SLC28A3: variants seen among roughly 807,000 people sequenced by gnomAD.
SLC28A3 encodes solute carrier family 28 member 3.
SLC28A3 carries 68 observed loss-of-function variants against 84.2 expected under a neutral mutation model. The observed-to-expected ratio is 0.81, with a 90% CI of 0.66 to 0.99. SLC28A3 has a LOEUF of 0.99. Ranked by LOEUF, SLC28A3 falls within the 50% of genes least tolerant of loss-of-function variation. SLC28A3 has a pLI of 0.00. For missense variants in SLC28A3, 712 were observed against 841.5 expected (o/e 0.85, Z 1.90); for synonymous variants, 267 against 303.6 (o/e 0.88, Z 1.25).
chr9:84,305,203 A>G (rs1825748472), intron 4 of SLC28A3, 51 bp downstream of exon 4: 1 of 93,562 alleles, frequency 1.1e-5, no homozygotes, highest in Non-Finnish European at 1.6e-5. Flanking sequence ...GGAATCCCTG[A>G]AAAAAAAAAA....
intron 1 of SLC28A3, among the ~76,000 whole-genome samples, chr9:84,335,276 AG>A (rs939869742): frequency 6.6e-6 from 1 of 152,164 alleles, no homozygotes; most frequent in African/African-American, 2.4e-5. Flanking sequence ...AGGCTGGGTG[AG>A]GTGGCTCACA....
At chr9:84,348,528 G>T in the SLC28A3 span, among the ~76,000 whole-genome samples, 5 of 152,262 alleles carry the variant, frequency 3.3e-5, no homozygotes, top group African/African-American at 1.2e-4. Flanking sequence ...TCTGTCATGA[G>T]GATAAACTGA....
At chr9:84,312,651 G>A (rs1826030243) in intron 2 of SLC28A3, among the ~76,000 whole-genome samples, 1 of 150,082 alleles carries the variant, frequency 6.7e-6, no homozygotes, top group African/African-American at 2.5e-5. Context: ...TGATTCTCCT[G>A]CCTCAGCCTC....
In SLC28A3 at chr9:84,313,503, C is replaced by T. The variant is rs575883898; in HGVS notation, c.61-49G>A. ...AAAATAAAAAGTTACAGCCAAAAGA[C>T]AGATGTTCTTTCATGAAAAATACCT... is the stretch of plus-strand genomic sequence containing the variant. On this transcript the variant is annotated intron_variant, in intron 1 of 17. Coordinates refer to ENST00000376238, the MANE Select transcript of SLC28A3 (RefSeq NM_001199633.2). 1.7e-5 allele frequency: 25 copies of T among 1,489,634 alleles called. No homozygotes were observed. In the African/African-American group the frequency reaches 3.0e-4, roughly 18 times the overall value. The allele number at this position is 1,489,634 out of a possible 1,614,324, so 92.3% of individuals were successfully genotyped here.
intron 1 of SLC28A3, among the ~76,000 whole-genome samples, chr9:84,313,970 G>A (rs1826081516): frequency 6.6e-6 from 1 of 152,052 alleles, no homozygotes; most frequent in South Asian, 2.1e-4. Context: ...AGAGAGGAAT[G>A]AGGACAATTG....
intron 14 of SLC28A3, among the ~76,000 whole-genome samples, chr9:84,281,895 G>A (rs189420956): frequency 2.0e-5 from 3 of 152,334 alleles, no homozygotes; most frequent in Admixed American, 1.3e-4. Flanking sequence ...GGAGGCCGAG[G>A]CGGGTAGATC....
rs1237472184 is a variant in SLC28A3, at chr9:84,276,297, A to G, written c.*1921T>C. 1 of 151,200 alleles carries G rather than the reference A, an allele frequency of 6.6e-6. No individual in the cohort carries two copies. Among genetic ancestry groups the G allele is most frequent in the Admixed American group, 6.6e-5 (1 of 15,114 alleles). 9.4% of individuals were successfully genotyped at this position (151,200 alleles called of 1,614,324 possible). A position where few individuals can be genotyped will look rare whatever the true frequency, so the allele number is the denominator to read the frequency against. ...AATATCTTACTGAAATAATATCTCC[A>G]ATGTATTGAGTTAAATATATTAAAA... On this transcript the variant is annotated 3_prime_UTR_variant, in exon 18 of 18. Transcript: ENST00000376238.
At chr9:84,332,126 T>C (rs1826813152) in intron 1 of SLC28A3, among the ~76,000 whole-genome samples, 1 of 152,198 alleles carries the variant, frequency 6.6e-6, no homozygotes, top group African/African-American at 2.4e-5. Flanking sequence ...TGAATGAAAG[T>C]ATAAGCTTTT....
At chr9:84,332,194 T>C (rs987744910) in intron 1 of SLC28A3, among the ~76,000 whole-genome samples, 6 of 152,162 alleles carry the variant, frequency 3.9e-5, no homozygotes, top group Admixed American at 3.9e-4. Context: ...CAATGAGCAA[T>C]ATGGACATTG....
At chr9:84,280,930 A>T in intron 14 of SLC28A3, 48 bp from the exon 15 acceptor site, 2 of 1,568,322 alleles carry the variant, frequency 1.3e-6, no homozygotes, top group South Asian at 2.3e-5. Flanking sequence ...GAGCTGGCTT[A>T]ACAAATCTGA....
At chr9:84,278,852 T>G (rs1338731179) in intron 17 of SLC28A3, among the ~76,000 whole-genome samples, 1 of 150,816 alleles carries the variant, frequency 6.6e-6, no homozygotes, top group Non-Finnish European at 1.5e-5. Flanking sequence ...TAGACATAGC[T>G]TCCCTAAGCC....
intron 13 of SLC28A3, 39 bp downstream of exon 13, chr9:84,285,904 A>G (rs2118096502): frequency 6.3e-7 from 1 of 1,586,860 alleles, no homozygotes; most frequent in Non-Finnish European, 8.6e-7. Flanking sequence ...AAAGATAGGC[A>G]GAAACAAAAC....
chr9:84,285,846 C>T (rs565151288), intron 13 of SLC28A3, 97 bp downstream of exon 13: 1 of 1,363,990 alleles, frequency 7.3e-7, no homozygotes, highest in African/African-American at 1.5e-5. Context: ...GTGGAAGAGT[C>T]TACTGAGGTT....
At chr9:84,366,741 G>T in the SLC28A3 span, among the ~76,000 whole-genome samples, 3 of 152,268 alleles carry the variant, frequency 2.0e-5, no homozygotes, top group South Asian at 6.2e-4. Context: ...CAAACAAACA[G>T]AATCTCTCTC....
chr9:84,362,448 A>G, the SLC28A3 span, among the ~76,000 whole-genome samples: 1 of 152,130 alleles, frequency 6.6e-6, no homozygotes, highest in Non-Finnish European at 1.5e-5. Context: ...CCTGGCCAAC[A>G]TGGTGAAACC....
intron 13 of SLC28A3, 33 bp from the exon 14 acceptor site, chr9:84,285,575 A>G: frequency 6.2e-7 from 1 of 1,611,512 alleles, no homozygotes; most frequent in Non-Finnish European, 8.5e-7. Context: ...CTTGATTAGA[A>G]TAGTGATTTG....
intron 1 of SLC28A3, among the ~76,000 whole-genome samples, chr9:84,338,834 C>T (rs560270170): frequency 6.6e-6 from 1 of 152,262 alleles, no homozygotes; most frequent in Non-Finnish European, 1.5e-5. Flanking sequence ...CTCCAAATGC[C>T]CACATTTTGG....
chr9:84,309,161 G>A (rs1342658803), intron 3 of SLC28A3, among the ~76,000 whole-genome samples: 1 of 152,064 alleles, frequency 6.6e-6, no homozygotes, highest in African/African-American at 2.4e-5. Flanking sequence ...TTTCTGGAAG[G>A]GGTGTTGGGT....
intron 1 of SLC28A3, among the ~76,000 whole-genome samples, chr9:84,314,044 TC>T (rs1458663147): frequency 6.6e-6 from 1 of 152,154 alleles, no homozygotes; most frequent in Non-Finnish European, 1.5e-5. Context: ...GTTTCCACTC[TC>T]CTTTCTATCA....
Sources: gnomAD v4.1 joint callset for allele counts (sites outside exome capture counted in the v4.1 genomes callset) on GRCh38, gnomAD v4.1.1 for gene constraint, MANE v1.5 for transcripts, NCBI Gene and HGNC (gene_info 2026-07-23, HGNC 2026-07-21) for gene names.